FRMD4B: variants seen among roughly 807,000 people sequenced by gnomAD.
The protein encoded by FRMD4B is FERM domain containing 4B.
A neutral mutation model predicts 141.5 loss-of-function variants in FRMD4B; 74 were observed. The ratio of observed to expected loss-of-function variants is 0.52; its 90% CI spans 0.43 to 0.63. The LOEUF (loss-of-function observed/expected upper bound fraction) is 0.63. Among genes scored for constraint, FRMD4B ranks in the 30% least tolerant of loss-of-function variants. The probability of loss-of-function intolerance (pLI) is 0.00; values close to 1 mark genes in which losing one functional copy is unlikely to be tolerated. For missense variants in FRMD4B, 1,366 were observed against 1,253.4 expected, an observed-to-expected ratio of 1.09 and a Z score of -1.36; for synonymous variants, 506 against 467.9, an observed-to-expected ratio of 1.08 and a Z score of -1.05.
At chr3:69,476,913 C>G (rs1478585429) in intron 1 of FRMD4B, among the ~76,000 whole-genome samples, 1 of 152,116 alleles carries the variant, frequency 6.6e-6, no homozygotes, top group African/African-American at 2.4e-5. Flanking sequence ...TTGAAGAGGT[C>G]CTTCACATCC....
chr3:69,195,180 C>T, intron 15 of FRMD4B, 39 bp from the exon 16 acceptor site: 10 of 1,613,616 alleles, frequency 6.2e-6, no homozygotes, highest in Non-Finnish European at 8.5e-6. Context: ...ATAATTGACA[C>T]TGGCCAAAGT....
intron 19 of FRMD4B, among the ~76,000 whole-genome samples, chr3:69,186,372 A>G (rs1338869934): frequency 6.6e-6 from 1 of 151,480 alleles, no homozygotes; most frequent in African/African-American, 2.4e-5. Context: ...CAGTCTCCCA[A>G]GTAGCTAGGA....
At chr3:69,457,875 C>T (rs570736801) in intron 1 of FRMD4B, among the ~76,000 whole-genome samples, 42 of 152,258 alleles carry the variant, frequency 2.8e-4, no homozygotes, top group Non-Finnish European at 5.3e-4. Context: ...TGTCTCTCTG[C>T]TTTTAGGAGG....
At chr3:69,256,479 C>T (rs984957351) in intron 5 of FRMD4B, among the ~76,000 whole-genome samples, 5 of 152,144 alleles carry the variant, frequency 3.3e-5, no homozygotes, top group African/African-American at 9.7e-5. Context: ...GCTACCACAC[C>T]CAGTTGATTT....
At chr3:69,216,187 G>C in intron 11 of FRMD4B, 76 bp downstream of exon 11, 1 of 816,900 alleles carries the variant, frequency 1.2e-6, no homozygotes, top group Non-Finnish European at 2.1e-6. Context: ...CAACCTAATG[G>C]TGTGTGCTTT....
At chr3:69,287,556 G>A (rs1575694366) in intron 5 of FRMD4B, 196 bp downstream of exon 5, 2 of 549,962 alleles carry the variant, frequency 3.6e-6, no homozygotes, top group East Asian at 6.1e-5. Context: ...GCAGATGGTT[G>A]TCTTTCCCAC....
chr3:69,366,713 C>A (rs963269758), intron 1 of FRMD4B, among the ~76,000 whole-genome samples: 1 of 151,740 alleles, frequency 6.6e-6, no homozygotes, highest in Non-Finnish European at 1.5e-5. Flanking sequence ...ACAAACACGA[C>A]CTTTTTTTTC....
intron 1 of FRMD4B, among the ~76,000 whole-genome samples, chr3:69,515,462 A>G (rs181302878): frequency 1.6e-3 from 243 of 152,272 alleles, no homozygotes; most frequent in African/African-American, 5.4e-3. Flanking sequence ...ATTCTCCCCA[A>G]TTTATTTACG....
intron 1 of FRMD4B, among the ~76,000 whole-genome samples, chr3:69,510,013 T>G (rs907586475): frequency 4.6e-5 from 7 of 151,666 alleles, no homozygotes; most frequent in African/African-American, 1.7e-4. Flanking sequence ...ACGTGCTTGA[T>G]TGCAATATTT....
rs1398164614 is a variant in FRMD4B at position 69,385,933 on chromosome 3, G to A, written c.57C>T (p.Phe19=). 2.5e-6 allele frequency: 4 copies of A among 1,604,516 alleles called. No homozygotes were observed. Among genetic ancestry groups the A allele is most frequent in the Non-Finnish European group, 3.4e-6 (4 of 1,176,110 alleles). The change falls in exon 1 of 23, where the codon TTC becomes TTT. Residue 19 remains phenylalanine (F), a synonymous_variant. Transcript: ENST00000398540. The stretch of plus-strand genomic sequence containing the variant: ...GCGTGGACACGGTCAAGTTCCATAC[G>A]AAGCGGCTGCCGCTGAACAGCAGGT... ...VEDLLFSGSR[F]VWNLTVSTLR... is the part of the protein sequence containing the mutation.
At chr3:69,478,649 T>G (rs1009165444) in intron 1 of FRMD4B, among the ~76,000 whole-genome samples, 2 of 152,124 alleles carry the variant, frequency 1.3e-5, no homozygotes, top group African/African-American at 4.8e-5. Context: ...TAGGAATAGG[T>G]GTGGTGTGGT....
intron 1 of FRMD4B, among the ~76,000 whole-genome samples, chr3:69,515,905 C>T (rs1292264518): frequency 2.0e-5 from 3 of 152,164 alleles, no homozygotes; most frequent in African/African-American, 7.2e-5. Context: ...AAATCATTTG[C>T]ATCTTTGGTT....
chr3:69,431,179 T>C (rs751281144), intron 2 of FRMD4B, among the ~76,000 whole-genome samples: 17 of 152,236 alleles, frequency 1.1e-4, no homozygotes, highest in Non-Finnish European at 2.4e-4. Context: ...AGTCTAGCCT[T>C]ACAGATTACA....
At chr3:69,519,835 A>G (rs1345362604) in intron 1 of FRMD4B, among the ~76,000 whole-genome samples, 1 of 151,638 alleles carries the variant, frequency 6.6e-6, no homozygotes, top group Non-Finnish European at 1.5e-5. Context: ...TATAATTCTT[A>G]TGCCTTTGCA....
chr3:69,536,000 A>C, intron 1 of FRMD4B: 1 of 385,650 alleles, frequency 2.6e-6, no homozygotes, highest in Non-Finnish European at 5.1e-6. Flanking sequence ...CCTTCCTACT[A>C]AGCCCGCTGG....
At chr3:69,426,977 ATTC>A (rs1251324995) in intron 2 of FRMD4B, among the ~76,000 whole-genome samples, 1 of 152,070 alleles carries the variant, frequency 6.6e-6, no homozygotes, top group Non-Finnish European at 1.5e-5. Context: ...ATTTATAGGG[ATTC>A]TTATTTTTTT....
intron 1 of FRMD4B, among the ~76,000 whole-genome samples, chr3:69,321,678 A>G (rs1234702228): frequency 2.0e-5 from 3 of 151,994 alleles, no homozygotes; most frequent in South Asian, 4.2e-4. Context: ...TTAACTGTTC[A>G]GAACCCAGAC....
At chr3:69,371,229 T>G (rs554874371) in intron 1 of FRMD4B, among the ~76,000 whole-genome samples, 1 of 152,256 alleles carries the variant, frequency 6.6e-6, no homozygotes, top group South Asian at 2.1e-4. Context: ...GCTACAACTC[T>G]GAGGCTGGAA....
chr3:69,194,754 GTTCTTAA>G (rs1186810771), intron 16 of FRMD4B, among the ~76,000 whole-genome samples: 6 of 152,180 alleles, frequency 3.9e-5, no homozygotes, highest in African/African-American at 1.4e-4. Flanking sequence ...TAATGCTGGA[GTTCTTAA>G]TTCTTATAAT....
Sources: allele counts gnomAD v4.1 joint callset (sites outside exome capture counted in the v4.1 genomes callset), GRCh38; gene constraint gnomAD v4.1.1; transcripts MANE v1.5; gene names NCBI Gene and HGNC (gene_info 2026-07-23, HGNC 2026-07-21).